The following CTNNA2 variants were observed in gnomAD, a reference collection of about 807,000 sequenced individuals.
CTNNA2 encodes the protein catenin alpha 2, also known as catenin alpha-2.
CTNNA2 carries 42 observed loss-of-function variants against 101.0 expected under a neutral mutation model. That is an observed-to-expected ratio of 0.42 (90% CI 0.32 to 0.54). The LOEUF (loss-of-function observed/expected upper bound fraction) is 0.54, where lower values mean the gene tolerates loss of function less well. CTNNA2 is among the 20% of genes least tolerant of loss of function. The pLI, the probability that CTNNA2 is intolerant of heterozygous loss-of-function variation, is 0.14. For synonymous variants in CTNNA2, 450 were observed against 456.4 expected, an observed-to-expected ratio of 0.99 and a Z score of 0.18; for missense variants, 871 against 1,223.1, an observed-to-expected ratio of 0.71 and a Z score of 4.29.
intron 7 of CTNNA2, among the ~76,000 whole-genome samples, chr2:80,213,947 T>C (rs1323903300): frequency 9.9e-5 from 15 of 152,242 alleles, no homozygotes; most frequent in Non-Finnish European, 2.9e-5. Flanking sequence ...TTTGTTGAAT[T>C]GATGCCTTTA....
rs1243726667 is a variant in CTNNA2 at position 80,606,396 on chromosome 2, ACACACACACACACACACC to A, written c.2296-1786_2296-1769del. On this transcript the variant is annotated intron_variant, in intron 16 of 18. Transcript: ENST00000402739. Reference sequence around the variant, plus strand: ...CACACACACACACACACACACACACACACACACACACACACACCCCCCAGGATACATTTATTTTGAGAT... The same window carrying A: ...CACACACACACACACACACACACACACCCCAGGATACATTTATTTTGAGAT... Among the ~76,000 whole-genome samples, 1,005 of 122,592 alleles carry A rather than the reference ACACACACACACACACACC, an allele frequency of 8.2e-3. 9 individuals are homozygous for A. The highest frequency in any genetic ancestry group is 0.03 in the African/African-American group (902 of 30,312). 80.4% of individuals were successfully genotyped at this position (122,592 alleles called of 152,430 possible).
Position 80,447,660 on chromosome 2 carries a change from C to T in CTNNA2, c.1290+28059C>T, listed in dbSNP as rs77467756. ...TCTTATCTTGGGAAATCCCACTGTT[C>T]TTCCCCAGTCAGGCCCTTCCCTTCA... On this transcript the variant is annotated intron_variant, in intron 9 of 18. Transcript: ENST00000402739. 6.1e-3 allele frequency among the ~76,000 whole-genome samples: 923 copies of T among 152,342 alleles called. 10 individuals are homozygous for T. The highest frequency in any genetic ancestry group is 0.041 in the East Asian group (210 of 5,176).
chr2:79,446,032 G>C (rs548256710), intron 4 of CTNNA2, among the ~76,000 whole-genome samples: 31 of 152,158 alleles, frequency 2.0e-4, no homozygotes, highest in Admixed American at 1.5e-3. Flanking sequence ...TTAAGCATTT[G>C]GGCTCTGGAA....
At chr2:79,472,804 AC>A (rs1223969642) in intron 4 of CTNNA2, among the ~76,000 whole-genome samples, 5 of 152,120 alleles carry the variant, frequency 3.3e-5, no homozygotes, top group Admixed American at 3.3e-4. Context: ...CCTTCAAGTC[AC>A]TTTTCTCTTC....
intron 4 of CTNNA2, 32 bp downstream of exon 4, chr2:79,858,211 T>C: frequency 1.9e-6 from 3 of 1,558,358 alleles, no homozygotes; most frequent in Non-Finnish European, 2.6e-6. Context: ...AAACTTTCTT[T>C]ATGTGAGTGG....
At chr2:79,242,993 T>TATATATACAC (rs1306982182) in intron 2 of CTNNA2, among the ~76,000 whole-genome samples, 25 of 116,726 alleles carry the variant, frequency 2.1e-4, no homozygotes, top group South Asian at 3.0e-4. Flanking sequence ...TATATATATA[T>TATATATACAC]ACACACACAC....
chr2:79,889,714 A>G (rs1684172307), intron 6 of CTNNA2, among the ~76,000 whole-genome samples: 1 of 152,208 alleles, frequency 6.6e-6, no homozygotes, highest in South Asian at 2.1e-4. Flanking sequence ...ACCCATCTTA[A>G]TAGACGTGTT....
At chr2:79,228,341 A>G (rs569491670) in intron 2 of CTNNA2, among the ~76,000 whole-genome samples, 1 of 152,248 alleles carries the variant, frequency 6.6e-6, no homozygotes, top group Non-Finnish European at 1.5e-5. Context: ...TGCTTTCCAC[A>G]ATGGCTCAAC....
chr2:79,712,431 A>C (rs937950185), intron 2 of CTNNA2, among the ~76,000 whole-genome samples: 1 of 152,234 alleles, frequency 6.6e-6, no homozygotes, highest in African/African-American at 2.4e-5. Context: ...GAAAATTATT[A>C]TTAAGACTAT....
chr2:80,072,197 C>T lies in CTNNA2; in HGVS notation c.1056+162400C>T, dbSNP rs187377071. On this transcript the variant is annotated intron_variant, in intron 7 of 18. Coordinates refer to ENST00000402739, the MANE Select transcript of CTNNA2 (RefSeq NM_001282597.3). ...TCTGCCCCTCTTAGTCTACTTTTCT[C>T]GCCTCCAGTTTTCCAATTTGGGCTA... Among the ~76,000 whole-genome samples the T allele has an allele frequency of 5.9e-5, 9 of 152,276 alleles. No homozygotes were observed. In the East Asian group the frequency reaches 9.7e-4, roughly 16 times the overall value.
chr2:79,950,678 T>C (rs1688818530), intron 7 of CTNNA2, among the ~76,000 whole-genome samples: 2 of 152,188 alleles, frequency 1.3e-5, no homozygotes, highest in Non-Finnish European at 2.9e-5. Flanking sequence ...TGGTAACATA[T>C]TGAGCTTACC....
intron 4 of CTNNA2, among the ~76,000 whole-genome samples, chr2:79,423,949 A>C (rs1475868834): frequency 1.3e-5 from 2 of 152,098 alleles, no homozygotes; most frequent in Non-Finnish European, 2.9e-5. Context: ...ACCTTGACCA[A>C]AAAAACCCAC....
At chr2:79,232,956 C>T (rs984250034) in intron 2 of CTNNA2, among the ~76,000 whole-genome samples, 1 of 152,102 alleles carries the variant, frequency 6.6e-6, no homozygotes, top group Non-Finnish European at 1.5e-5. Context: ...ATTCAGCTAA[C>T]AGCTGTTAAA....
At chr2:79,868,613 C>T (rs761340110) in intron 4 of CTNNA2, among the ~76,000 whole-genome samples, 3 of 152,084 alleles carry the variant, frequency 2.0e-5, no homozygotes, top group Non-Finnish European at 4.4e-5. Flanking sequence ...TTTGTGTTTC[C>T]GAATTGTCAA....
intron 12 of CTNNA2, among the ~76,000 whole-genome samples, chr2:80,558,464 A>ATGTGTGTGTG (rs869129917): frequency 8.9e-5 from 13 of 146,208 alleles, no homozygotes; most frequent in East Asian, 8.1e-4. Flanking sequence ...GTGTGTATAT[A>ATGTGTGTGTG]TGTGTGTGTG....
rs954144572 is a variant in CTNNA2, at chr2:79,528,234, G to A, written c.-6+15027G>A. 2.6e-5 allele frequency among the ~76,000 whole-genome samples: 4 copies of A among 151,866 alleles called. No homozygotes were observed. In the South Asian group the frequency reaches 8.3e-4, roughly 32 times the overall value. On this transcript the variant is annotated intron_variant, in intron 1 of 18. Transcript: ENST00000402739. The stretch of plus-strand genomic sequence containing the variant: ...TTTCTTTTTTTTTTGGAGACACGGA[G>A]ACAGGGTCTCACTGTGTTGCCCAGG...
intron 16 of CTNNA2, 78 bp downstream of exon 16, chr2:80,604,257 C>T: frequency 9.2e-7 from 1 of 1,083,086 alleles, no homozygotes; most frequent in Non-Finnish European, 1.4e-6. Flanking sequence ...TAGTTTTATG[C>T]ACCCTATAAA....
At chr2:79,725,950 C>G (rs539356278) in intron 2 of CTNNA2, among the ~76,000 whole-genome samples, 5 of 152,306 alleles carry the variant, frequency 3.3e-5, no homozygotes, top group African/African-American at 1.2e-4. Flanking sequence ...GCATTTGTCC[C>G]TCTGCCAGGT....
At chr2:79,218,816 A>C (rs890589895) in intron 2 of CTNNA2, among the ~76,000 whole-genome samples, 1 of 152,202 alleles carries the variant, frequency 6.6e-6, no homozygotes, top group Non-Finnish European at 1.5e-5. Flanking sequence ...TCTTTCAGAC[A>C]TTGTGTAACT....
Sources: gnomAD v4.1 joint callset for allele counts (sites outside exome capture counted in the v4.1 genomes callset) on GRCh38, gnomAD v4.1.1 for gene constraint, MANE v1.5 for transcripts, NCBI Gene and HGNC (gene_info 2026-07-23, HGNC 2026-07-21) for gene names.